XYLT1: variants seen among roughly 807,000 people sequenced by gnomAD.
XYLT1 encodes xylosyltransferase 1.
In XYLT1, 36 loss-of-function variants were observed where a neutral mutation model predicts 91.3. The observed-to-expected ratio is 0.39, with a 90% CI of 0.30 to 0.52. XYLT1 has a LOEUF of 0.52. XYLT1 is among the 20% of genes least tolerant of loss of function. XYLT1 has a pLI of 0.68. For synonymous variants in XYLT1, 588 were observed against 532.0 expected (o/e 1.11, Z -1.45); for missense variants, 1,242 against 1,284.5 (o/e 0.97, Z 0.51).
intron 2 of XYLT1, among the ~76,000 whole-genome samples, chr16:17,274,073 G>A (rs939353178): frequency 6.6e-6 from 1 of 151,684 alleles, no homozygotes; most frequent in Non-Finnish European, 1.5e-5. Context: ...CACCATGCCT[G>A]GCTAATTTTT....
intron 2 of XYLT1, among the ~76,000 whole-genome samples, chr16:17,279,583 C>T (rs963036117): frequency 1.3e-5 from 2 of 152,128 alleles, no homozygotes; most frequent in Non-Finnish European, 2.9e-5. Flanking sequence ...GACAATTTAT[C>T]GAGGGCGTCT....
rs1353028272 is a variant in XYLT1, at chr16:17,102,452, C to T, written c.*6243G>A. 6.6e-6 allele frequency: 1 copy of T among 152,392 alleles called. No individual in the cohort carries two copies. Among genetic ancestry groups the T allele is most frequent in the African/African-American group, 2.4e-5 (1 of 41,362 alleles). 9.4% of individuals were successfully genotyped at this position (152,392 alleles called of 1,614,324 possible). ...TATTTAATACATCCACTGTTTTCTGCAAAAAATGTTGCTTTGTCAGACAGA... is the reference window on the plus strand; with the variant it reads ...TATTTAATACATCCACTGTTTTCTGTAAAAAATGTTGCTTTGTCAGACAGA... On this transcript the variant is annotated 3_prime_UTR_variant, in exon 12 of 12. Transcript: ENST00000261381.
chr16:17,324,579 T>C (rs905274030), intron 2 of XYLT1, among the ~76,000 whole-genome samples: 1 of 152,262 alleles, frequency 6.6e-6, no homozygotes, highest in Admixed American at 6.5e-5. Flanking sequence ...TGCTGAAAGC[T>C]TGTCCTTCGT....
At position 17,106,129 on chromosome 16, in the gene XYLT1, C is replaced by T. The variant is rs1478679996; in HGVS notation, c.*2566G>A. 2.0e-5 allele frequency: 3 copies of T among 152,102 alleles called. No homozygotes were observed. Among genetic ancestry groups the T allele is most frequent in the Non-Finnish European group, 4.4e-5 (3 of 68,032 alleles). The allele number at this position is 152,102 out of a possible 1,614,324, so 9.4% of individuals were successfully genotyped here. ...AGCTCTGCCATTTCTCCACTTGTTCCAGGATAAAAACAAAAAAAGGCAGAC... is the reference window on the plus strand; with the variant it reads ...AGCTCTGCCATTTCTCCACTTGTTCTAGGATAAAAACAAAAAAAGGCAGAC... On this transcript the variant is annotated 3_prime_UTR_variant, in exon 12 of 12. Transcript: ENST00000261381.
chr16:17,232,905 T>A (rs1173538962), intron 3 of XYLT1, among the ~76,000 whole-genome samples: 8 of 152,140 alleles, frequency 5.3e-5, no homozygotes, highest in Admixed American at 3.9e-4. Context: ...TACTTATTTA[T>A]CTCAAAGACT....
At chr16:17,315,793 G>A (rs1441089176) in intron 2 of XYLT1, among the ~76,000 whole-genome samples, 2 of 144,128 alleles carry the variant, frequency 1.4e-5, no homozygotes, top group Non-Finnish European at 3.1e-5. Flanking sequence ...TGACTCCAAG[G>A]CTAGGCCCTT....
intron 2 of XYLT1, among the ~76,000 whole-genome samples, chr16:17,313,825 A>C (rs2034587555): frequency 6.6e-6 from 1 of 152,142 alleles, no homozygotes. Context: ...TCAGCTGAAA[A>C]GTGTGGATTA....
At chr16:17,189,708 G>A (rs933836014) in intron 5 of XYLT1, among the ~76,000 whole-genome samples, 3 of 152,212 alleles carry the variant, frequency 2.0e-5, no homozygotes, top group African/African-American at 7.2e-5. Flanking sequence ...AGTGAAATAA[G>A]CAGGTCACCA....
intron 1 of XYLT1, among the ~76,000 whole-genome samples, chr16:17,434,606 C>T (rs2036430947): frequency 6.6e-6 from 1 of 152,154 alleles, no homozygotes; most frequent in African/African-American, 2.4e-5. Flanking sequence ...CCTGTAATCC[C>T]AAAACTTGGG....
intron 4 of XYLT1, among the ~76,000 whole-genome samples, chr16:17,199,665 T>C (rs759624235): frequency 2.6e-4 from 40 of 152,214 alleles, no homozygotes; most frequent in Non-Finnish European, 5.3e-4. Flanking sequence ...CTGATGGTTT[T>C]ACACCGGGAA....
At chr16:17,286,821 G>A (rs937074570) in intron 2 of XYLT1, among the ~76,000 whole-genome samples, 1 of 152,096 alleles carries the variant, frequency 6.6e-6, no homozygotes, top group Non-Finnish European at 1.5e-5. Flanking sequence ...ATCTCCCCAT[G>A]TCTTCTGCTT....
chr16:17,361,572 T>C (rs919009896), intron 1 of XYLT1, among the ~76,000 whole-genome samples: 3 of 152,196 alleles, frequency 2.0e-5, no homozygotes, highest in African/African-American at 7.2e-5. Flanking sequence ...AGCGATCATT[T>C]ATAGAGGGCC....
chr16:17,117,559 C>T (rs1966854945), intron 11 of XYLT1, 87 bp downstream of exon 11: 1 of 1,409,526 alleles, frequency 7.1e-7, no homozygotes, highest in African/African-American at 1.4e-5. Context: ...TACCCTATGT[C>T]TGAGCAGTGC....
At chr16:17,356,647 C>T (rs183032547) in intron 2 of XYLT1, among the ~76,000 whole-genome samples, 8 of 152,168 alleles carry the variant, frequency 5.3e-5, no homozygotes, top group Admixed American at 4.6e-4. Flanking sequence ...TTTTCCAGTC[C>T]ACCCCAGAAA....
intron 2 of XYLT1, among the ~76,000 whole-genome samples, chr16:17,279,421 G>C (rs1393640545): frequency 6.6e-6 from 1 of 152,182 alleles, no homozygotes; most frequent in Non-Finnish European, 1.5e-5. Flanking sequence ...GAGAGGTGAA[G>C]ACACTTCCTT....
intron 1 of XYLT1, among the ~76,000 whole-genome samples, chr16:17,399,185 G>T (rs538209484): frequency 6.6e-6 from 1 of 152,272 alleles, no homozygotes; most frequent in South Asian, 2.1e-4. Context: ...GGGCAGGAGA[G>T]GGGACATAAT....
Position 17,109,015 on chromosome 16 carries a change from C to A in XYLT1, c.2560G>T (p.Glu854Ter), listed in dbSNP as rs769391314. 1 of 1,505,814 alleles carries A rather than the reference C, an allele frequency of 6.6e-7. No homozygotes were observed. The highest frequency in any genetic ancestry group is 2.1e-5 in the Admixed American group (1 of 48,158). 93.3% of individuals were successfully genotyped at this position (1,505,814 alleles called of 1,614,324 possible). ...GGCCCATTGTGCAGCTTCAGTGCCT[C>A]CTCTGAAAGCCAAAGGGAACAATTT... ...FSNRQPIKPE[E>*]ALKLHNGPLR... Residue 854 changes from glutamate (E) to a stop codon, truncating the protein, a stop_gained and splice_region_variant, in exon 12 of 12, where the codon GAG (glutamate) becomes TAG (stop). Coordinates refer to ENST00000261381, the MANE Select transcript of XYLT1 (RefSeq NM_022166.4). LOFTEE classifies it high-confidence loss of function.
chr16:17,435,523 T>G (rs1482027318), intron 1 of XYLT1, among the ~76,000 whole-genome samples: 1 of 152,178 alleles, frequency 6.6e-6, no homozygotes, highest in Non-Finnish European at 1.5e-5. Context: ...TTGGGCTATT[T>G]CAGGCTCTGT....
At chr16:17,131,301 A>G (rs1330618560) in intron 9 of XYLT1, among the ~76,000 whole-genome samples, 1 of 152,262 alleles carries the variant, frequency 6.6e-6, no homozygotes, top group Non-Finnish European at 1.5e-5. Context: ...TAATGTCTCA[A>G]AACAGAAAAA....
Sources: allele counts gnomAD v4.1 joint callset (sites outside exome capture counted in the v4.1 genomes callset), GRCh38; gene constraint gnomAD v4.1.1; transcripts MANE v1.5; gene names NCBI Gene and HGNC (gene_info 2026-07-23, HGNC 2026-07-21).